KCNMB3: variants seen among roughly 807,000 people sequenced by gnomAD.
The protein encoded by KCNMB3 is potassium calcium-activated channel subfamily M regulatory beta subunit 3.
A neutral mutation model predicts 11.9 loss-of-function variants in KCNMB3; 18 were observed. The ratio of observed to expected loss-of-function variants is 1.51; its 90% CI spans 1.04 to 2.23. KCNMB3 has a LOEUF of 2.23. Ranked by LOEUF, KCNMB3 falls within the 30% of genes most tolerant of loss-of-function variation. The pLI, the probability that KCNMB3 is intolerant of heterozygous loss-of-function variation, is 0.00. For missense variants in KCNMB3, 247 were observed against 329.4 expected, an observed-to-expected ratio of 0.75 and a Z score of 1.94; for synonymous variants, 78 against 119.2, an observed-to-expected ratio of 0.65 and a Z score of 2.25.
At chr3:179,266,629 A>T in intron 1 of KCNMB3, 1 of 1,613,652 alleles carries the variant, frequency 6.2e-7, no homozygotes, top group Non-Finnish European at 8.5e-7. Context: ...CTACCGGCAG[A>T]GCTTCCGGAA....
At chr3:179,259,190 C>T (rs1374375329) in intron 1 of KCNMB3, 2 of 1,548,950 alleles carry the variant, frequency 1.3e-6, no homozygotes, top group African/African-American at 1.4e-5. Context: ...GATGTTCTGA[C>T]ATCCCACACC....
downstream of KCNMB3, chr3:179,241,522 G>T (rs1465863157): frequency 6.5e-6 from 1 of 154,100 alleles, no homozygotes; most frequent in African/African-American, 2.4e-5. Context: ...TTTTTTGTTT[G>T]ATTACATCTA....
upstream of KCNMB3, among the ~76,000 whole-genome samples, chr3:179,255,382 T>C (rs1183107320): frequency 6.6e-6 from 1 of 151,916 alleles, no homozygotes; most frequent in African/African-American, 2.4e-5. Flanking sequence ...TTCTAAAATG[T>C]AGAGCTAATA....
At chr3:179,239,788 A>G, downstream of KCNMB3, 1 of 420,762 alleles carries the variant, frequency 2.4e-6, no homozygotes, top group East Asian at 3.5e-5. Flanking sequence ...ATATTTTGTC[A>G]TTCAGTGAAT....
chr3:179,246,304 T>C (rs1045341552), intron 1 of KCNMB3, among the ~76,000 whole-genome samples: 1 of 151,774 alleles, frequency 6.6e-6, no homozygotes. Context: ...CCCAGCTATA[T>C]AGGAGGCTGA....
chr3:179,260,993 G>T (rs1006695326), intron 1 of KCNMB3: 15 of 975,780 alleles, frequency 1.5e-5, no homozygotes, highest in Non-Finnish European at 2.5e-5. Flanking sequence ...GGTGTCGATG[G>T]ATATAGAGGT....
intron 1 of KCNMB3, among the ~76,000 whole-genome samples, chr3:179,265,796 G>A (rs7631737): frequency 1.3e-5 from 2 of 151,928 alleles, no homozygotes; most frequent in African/African-American, 4.8e-5. Context: ...ACACCCTCAG[G>A]CATCACTCTT....
chr3:179,251,362 C>T, upstream of KCNMB3: 1 of 1,438,632 alleles, frequency 7.0e-7, no homozygotes, highest in South Asian at 1.5e-5. Flanking sequence ...TAACAGCGTC[C>T]TGAACAGGGT....
At chr3:179,255,189 A>G (rs1467669289), upstream of KCNMB3, among the ~76,000 whole-genome samples, 1 of 151,778 alleles carries the variant, frequency 6.6e-6, no homozygotes, top group Non-Finnish European at 1.5e-5. Flanking sequence ...AAATAAATAC[A>G]TAATAAAAAA....
At chr3:179,251,224 T>C, upstream of KCNMB3, 1 of 1,546,110 alleles carries the variant, frequency 6.5e-7, no homozygotes, top group Non-Finnish European at 8.7e-7. Flanking sequence ...TAGAGAATGT[T>C]GTATGTAAAT....
At chr3:179,255,137 T>A (rs1725969228), upstream of KCNMB3, among the ~76,000 whole-genome samples, 1 of 150,738 alleles carries the variant, frequency 6.6e-6, no homozygotes, top group African/African-American at 2.4e-5. Context: ...TGCACTTCAG[T>A]CTGGGCAACA....
At position 179,251,020 on chromosome 3, in the gene KCNMB3, C is replaced by A. The variant is rs201012361; in HGVS notation, c.-30G>T. The A allele has an allele frequency of 1.2e-4, 186 of 1,614,188 alleles. No homozygotes were observed. In the African/African-American group the frequency reaches 2.2e-3, roughly 19 times the overall value. On this transcript the variant is annotated 5_prime_UTR_variant, in exon 1 of 3. Coordinates refer to ENST00000392685, the MANE Select transcript of KCNMB3 (RefSeq NM_171830.2). ...AATCCATGGGGACTGGAGGGATAAT[C>A]TCATTTGCTGCCTACCTGTGTCTCG...
At chr3:179,265,237 G>T (rs138562970) in intron 1 of KCNMB3, among the ~76,000 whole-genome samples, 232 of 152,196 alleles carry the variant, frequency 1.5e-3, no homozygotes, top group African/African-American at 5.4e-3. Context: ...CTTCTTCCCT[G>T]AACCCCCATC....
intron 1 of KCNMB3, among the ~76,000 whole-genome samples, chr3:179,263,411 T>G (rs564853005): frequency 6.6e-6 from 1 of 152,300 alleles, no homozygotes; most frequent in East Asian, 1.9e-4. Context: ...CCCTGCAAGC[T>G]GAGGGAGCCG....
rs1725774113 is a variant in KCNMB3, at chr3:179,249,855, G to A, written c.248+888C>T. Among the ~76,000 whole-genome samples, 5 of 152,200 alleles carry A rather than the reference G, an allele frequency of 3.3e-5. No homozygotes were observed. In the South Asian group the frequency reaches 1.0e-3, roughly 32 times the overall value. On this transcript the variant is annotated intron_variant, in intron 1 of 2. Coordinates refer to ENST00000392685, the MANE Select transcript of KCNMB3 (RefSeq NM_171830.2). Reference sequence around the variant, plus strand: ...GATGAGAACACATGGACACCTAGAGGGGAGCAACACACACTGGGGCCTCTC... The same window carrying A: ...GATGAGAACACATGGACACCTAGAGAGGAGCAACACACACTGGGGCCTCTC...
At chr3:179,253,442 A>T (rs1193874373), upstream of KCNMB3, among the ~76,000 whole-genome samples, 1 of 152,242 alleles carries the variant, frequency 6.6e-6, no homozygotes, top group African/African-American at 2.4e-5. Flanking sequence ...CAACTTCATA[A>T]GTCACTTGGA....
At chr3:179,250,275 T>C (rs1007853464) in intron 1 of KCNMB3, among the ~76,000 whole-genome samples, 1 of 152,196 alleles carries the variant, frequency 6.6e-6, no homozygotes, top group East Asian at 1.9e-4. Context: ...ACTGTATCAC[T>C]ACATATATTG....
intron 1 of KCNMB3, chr3:179,259,408 C>T (rs776359231): frequency 6.3e-7 from 1 of 1,594,428 alleles, no homozygotes; most frequent in Non-Finnish European, 8.5e-7. Context: ...GTGACATCCT[C>T]AAAATCTAAT....
chr3:179,240,717 T>C (rs1725433336), downstream of KCNMB3: 1 of 152,164 alleles, frequency 6.6e-6, no homozygotes, highest in Non-Finnish European at 1.5e-5. Context: ...AGCTCCTATC[T>C]AAATGGAAAA....
Sources: allele counts gnomAD v4.1 joint callset (sites outside exome capture counted in the v4.1 genomes callset), GRCh38; gene constraint gnomAD v4.1.1; transcripts MANE v1.5; gene names NCBI Gene and HGNC (gene_info 2026-07-23, HGNC 2026-07-21).